NFIC: variants seen among roughly 807,000 people sequenced by gnomAD.
The protein encoded by NFIC is nuclear factor 1 C-type.
Under a neutral mutation model 54.4 loss-of-function variants are expected in NFIC, and 12 were observed. That is an observed-to-expected ratio of 0.22 (90% confidence interval 0.14 to 0.36). The LOEUF is 0.36. NFIC is among the 10% of genes least tolerant of loss of function. NFIC has a pLI of 1.00. For missense variants in NFIC, 575 were observed against 718.2 expected, an observed-to-expected ratio of 0.80 and a Z score of 2.28; for synonymous variants, 322 against 319.2, an observed-to-expected ratio of 1.01 and a Z score of -0.09.
chr19:3,437,635 C>CA (rs397860121), intron 6 of NFIC, among the ~76,000 whole-genome samples: 2,529 of 76,950 alleles, frequency 0.033, 80 homozygotes, highest in African/African-American at 0.093. Context: ...GACTATGTCT[C>CA]AAAAAAAAAA....
chr19:3,442,738 G>C (rs1214008372), intron 6 of NFIC, among the ~76,000 whole-genome samples: 4 of 151,958 alleles, frequency 2.6e-5, no homozygotes, highest in Non-Finnish European at 5.9e-5. Context: ...ACGTGGCCTG[G>C]GGAGGGACAG....
chr19:3,394,975 C>T (rs1171926383), intron 2 of NFIC, among the ~76,000 whole-genome samples: 1 of 152,084 alleles, frequency 6.6e-6, no homozygotes, highest in East Asian at 1.9e-4. Flanking sequence ...GGCTGCTGTT[C>T]CAGAGAATTC....
rs189329209 is a variant in NFIC at position 3,376,673 on chromosome 19, C to G, written c.31-5039C>G. Among the ~76,000 whole-genome samples, 39 of 152,176 alleles carry G rather than the reference C, an allele frequency of 2.6e-4. No homozygotes were observed. In the East Asian group the frequency reaches 7.4e-3, roughly 29 times the overall value. On this transcript the variant is annotated intron_variant, in intron 1 of 10. Coordinates refer to ENST00000443272, the MANE Select transcript of NFIC (RefSeq NM_001245002.2). ...CGCTTGAGTCTGGGAGTTCAGGGCC[C>G]AAGTGACCTAAGATCGTGCCACTGC...
At chr19:3,398,958 G>A (rs2081510491) in intron 2 of NFIC, among the ~76,000 whole-genome samples, 1 of 152,256 alleles carries the variant, frequency 6.6e-6, no homozygotes, top group Admixed American at 6.5e-5. Context: ...TTTTGTGGAT[G>A]TTGTTTATCA....
chr19:3,388,898 A>G (rs2081338622), intron 2 of NFIC, among the ~76,000 whole-genome samples: 2 of 149,952 alleles, frequency 1.3e-5, no homozygotes, highest in Non-Finnish European at 3.0e-5. Flanking sequence ...CCAGCTACAC[A>G]GGAGGCTGAG....
chr19:3,431,353 C>CCTT (rs2082117206), intron 3 of NFIC, among the ~76,000 whole-genome samples: 1 of 142,772 alleles, frequency 7.0e-6, no homozygotes, highest in Non-Finnish European at 1.5e-5. Context: ...TTTTTCTTTT[C>CCTT]CTTCTTCTTT....
At chr19:3,387,147 G>T (rs1568412787) in intron 2 of NFIC, among the ~76,000 whole-genome samples, 1 of 152,194 alleles carries the variant, frequency 6.6e-6, no homozygotes, top group Non-Finnish European at 1.5e-5. Flanking sequence ...GGTGCAGGGT[G>T]GATGGCGGTG....
intron 1 of NFIC, 82 bp from the exon 2 acceptor site, chr19:3,381,630 C>G: frequency 1.1e-5 from 17 of 1,513,586 alleles, no homozygotes; most frequent in Non-Finnish European, 1.5e-5. Flanking sequence ...AGGGCCCCTC[C>G]GACCTCAGCC....
chr19:3,387,153 C>T (rs1420727300), intron 2 of NFIC, among the ~76,000 whole-genome samples: 2 of 152,116 alleles, frequency 1.3e-5, no homozygotes, highest in Admixed American at 6.6e-5. Flanking sequence ...GGGTGGATGG[C>T]GGTGGAGGGG....
At chr19:3,389,080 C>T (rs1341408502) in intron 2 of NFIC, among the ~76,000 whole-genome samples, 2 of 152,144 alleles carry the variant, frequency 1.3e-5, no homozygotes, top group African/African-American at 4.8e-5. Context: ...TTGAGGTTAT[C>T]TAGTGGAAGC....
intron 9 of NFIC, 28 bp from the exon 10 acceptor site, chr19:3,456,522 G>A (rs1314935544): frequency 1.2e-5 from 18 of 1,549,244 alleles, no homozygotes; most frequent in Middle Eastern, 1.7e-4. Flanking sequence ...CCTCGCTAAC[G>A]GGCTCTCGGT....
intron 1 of NFIC, among the ~76,000 whole-genome samples, chr19:3,367,919 G>A (rs1225043522): frequency 1.3e-5 from 2 of 152,160 alleles, no homozygotes; most frequent in East Asian, 1.9e-4. Flanking sequence ...ATGCTCCTTG[G>A]TAGGGTCTTT....
chr19:3,390,531 G>T (rs2081361212), intron 2 of NFIC, among the ~76,000 whole-genome samples: 1 of 152,178 alleles, frequency 6.6e-6, no homozygotes, highest in Non-Finnish European at 1.5e-5. Context: ...TTTGACAAGT[G>T]ACATTGCAGC....
At position 3,468,082 on chromosome 19, in the gene NFIC, G is replaced by C. The variant is rs994292912; in HGVS notation, c.*5313G>C. 2.6e-5 allele frequency: 4 copies of C among 151,888 alleles called. No individual in the cohort carries two copies. Among genetic ancestry groups the C allele is most frequent in the Admixed American group, 6.6e-5 (1 of 15,242 alleles). The allele number at this position is 151,888 out of a possible 1,614,324, so 9.4% of individuals were successfully genotyped here. On this transcript the variant is annotated 3_prime_UTR_variant, in exon 11 of 11. Transcript: ENST00000443272. ...TCCCGGCAGGGCAAGGTGAGGAGGC[G>C]GACCCAAAGCAGTACCAGCAGGACT...
intron 5 of NFIC, 130 bp downstream of exon 5, chr19:3,434,530 C>T (rs2082168554): frequency 1.3e-5 from 17 of 1,348,320 alleles, no homozygotes; most frequent in Non-Finnish European, 1.5e-5. Context: ...TGAGAAACTC[C>T]TACTCATCTC....
intron 2 of NFIC, among the ~76,000 whole-genome samples, chr19:3,402,249 T>C (rs1214974219): frequency 3.3e-5 from 5 of 152,204 alleles, no homozygotes; most frequent in African/African-American, 4.8e-5. Flanking sequence ...CTTTGTCATG[T>C]TGACGACCAG....
At chr19:3,404,762 C>G (rs967870316) in intron 2 of NFIC, among the ~76,000 whole-genome samples, 3 of 152,238 alleles carry the variant, frequency 2.0e-5, no homozygotes, top group Admixed American at 6.5e-5. Flanking sequence ...GGCGTGGCCT[C>G]CCAGAGCGTC....
At chr19:3,412,961 C>T (rs1231736441) in intron 2 of NFIC, among the ~76,000 whole-genome samples, 2 of 152,110 alleles carry the variant, frequency 1.3e-5, no homozygotes, top group Non-Finnish European at 2.9e-5. Flanking sequence ...GTTAGCCACA[C>T]GGATGGCAGA....
rs1309365691 is a variant in NFIC at position 3,452,785 on chromosome 19, A to C, written c.1269+119A>C. ...AAAGGGTCTTGAGGACTTGGCTCTG[A>C]AGTCCCCTCCTCTGTCGTGCTGGGA... On this transcript the variant is annotated intron_variant, in intron 8 of 10. Coordinates refer to ENST00000443272, the MANE Select transcript of NFIC (RefSeq NM_001245002.2). The surrounding 1 kb of genome is among the most constrained non-coding windows in gnomAD (Gnocchi z 5.3). 38 of 1,236,512 alleles carry C rather than the reference A, an allele frequency of 3.1e-5. No homozygotes were observed. The highest frequency in any genetic ancestry group is 1.1e-6 in the Non-Finnish European group (1 of 900,464). 76.6% of individuals were successfully genotyped at this position (1,236,512 alleles called of 1,614,324 possible). A position where few individuals can be genotyped will look rare whatever the true frequency, so the allele number is the denominator to read the frequency against.
Sources: allele counts gnomAD v4.1 joint callset (sites outside exome capture counted in the v4.1 genomes callset), GRCh38; gene constraint gnomAD v4.1.1; non-coding constraint Gnocchi (gnomAD v3.1); transcripts MANE v1.5; gene names NCBI Gene and HGNC (gene_info 2026-07-23, HGNC 2026-07-21).